Variants in TIAM2 observed in about 807,000 individuals in gnomAD.
The protein encoded by TIAM2 is TIAM Rac1 associated GEF 2.
In TIAM2, 80 loss-of-function variants were observed where a neutral mutation model predicts 152.9. The ratio of observed to expected loss-of-function variants is 0.52; its 90% CI spans 0.44 to 0.63. TIAM2 has a LOEUF of 0.63. Ranked by LOEUF, TIAM2 falls within the 30% of genes least tolerant of loss-of-function variation. The pLI, the probability that TIAM2 is intolerant of heterozygous loss-of-function variation, is 0.00. For missense variants in TIAM2, 1,965 were observed against 2,120.1 expected (o/e 0.93, Z 1.44); for synonymous variants, 804 against 838.0 (o/e 0.96, Z 0.70).
chr6:155,231,812 C>T (rs746699603), intron 15 of TIAM2, among the ~76,000 whole-genome samples: 5 of 152,232 alleles, frequency 3.3e-5, no homozygotes, highest in South Asian at 2.1e-4. Context: ...TGGTGGCTTG[C>T]GCCTGTAATC....
intron 14 of TIAM2, among the ~76,000 whole-genome samples, chr6:155,193,823 A>G (rs1282514354): frequency 6.6e-6 from 1 of 152,224 alleles, no homozygotes; most frequent in Non-Finnish European, 1.5e-5. Context: ...GAAGAGCGCA[A>G]TGGTGCTGAG....
At chr6:155,011,017 C>T (rs1778479421) in intron 1 of TIAM2, among the ~76,000 whole-genome samples, 1 of 149,654 alleles carries the variant, frequency 6.7e-6, no homozygotes, top group South Asian at 2.2e-4. Context: ...GCACTCCAGC[C>T]TTGGTGACAA....
At chr6:155,233,084 G>A (rs142079350) in intron 15 of TIAM2, among the ~76,000 whole-genome samples, 363 of 152,302 alleles carry the variant, frequency 2.4e-3, no homozygotes, top group African/African-American at 8.4e-3. Flanking sequence ...AGGCGGGCAC[G>A]TAGCTCAGCT....
chr6:154,998,055 T>C (rs1321739077), intron 1 of TIAM2, among the ~76,000 whole-genome samples: 5 of 152,212 alleles, frequency 3.3e-5, no homozygotes, highest in African/African-American at 9.6e-5. Flanking sequence ...GTCTGGGCTG[T>C]TCAAATGATG....
At chr6:155,237,644 C>T (rs1782835971) in intron 15 of TIAM2, among the ~76,000 whole-genome samples, 1 of 152,222 alleles carries the variant, frequency 6.6e-6, no homozygotes, top group Non-Finnish European at 1.5e-5. Flanking sequence ...AATTCTTGGA[C>T]TTATGTGCAC....
chr6:155,200,749 A>T (rs956026664), intron 14 of TIAM2, among the ~76,000 whole-genome samples: 1 of 152,084 alleles, frequency 6.6e-6, no homozygotes, highest in South Asian at 2.1e-4. Context: ...CTAAAAATAT[A>T]AAAATTAGCT....
At chr6:155,217,789 T>C (rs1781898592) in intron 15 of TIAM2, among the ~76,000 whole-genome samples, 1 of 152,344 alleles carries the variant, frequency 6.6e-6, no homozygotes, top group East Asian at 1.9e-4. Flanking sequence ...AATTTAATCT[T>C]GTTTAAGATA....
intron 4 of TIAM2, among the ~76,000 whole-genome samples, chr6:155,132,676 C>T (rs565079196): frequency 2.0e-5 from 3 of 152,230 alleles, no homozygotes; most frequent in Non-Finnish European, 4.4e-5. Flanking sequence ...GCTGAAGTCC[C>T]AGGTGGACAA....
chr6:155,125,013 A>C (rs1236402477), intron 2 of TIAM2, among the ~76,000 whole-genome samples: 2 of 152,182 alleles, frequency 1.3e-5, no homozygotes, highest in South Asian at 2.1e-4. Flanking sequence ...GTGGTGCCTC[A>C]TGCTTGTAAT....
chr6:155,033,162 T>C (rs1421680644), intron 1 of TIAM2, among the ~76,000 whole-genome samples: 1 of 152,222 alleles, frequency 6.6e-6, no homozygotes, highest in African/African-American at 2.4e-5. Context: ...TTTGAGTACA[T>C]ATGTATTCAC....
chr6:155,220,429 G>A (rs1034309517), intron 15 of TIAM2, among the ~76,000 whole-genome samples: 8 of 152,166 alleles, frequency 5.3e-5, no homozygotes, highest in African/African-American at 7.2e-5. Context: ...GAGGCCTGGC[G>A]GGCTGCACAG....
In TIAM2 at chr6:155,129,272, A is replaced by G. The variant is rs1423865560; in HGVS notation, c.49A>G (p.Ser17Gly). Residue 17 changes from serine (S) to glycine (G), a missense_variant, in exon 4 of 27, where the codon AGC (serine) becomes GGC (glycine). By Grantham distance (56) the Ser-to-Gly change is moderately conservative. This residue lies in a region of TIAM2 where 1,025 missense variants were observed against 1,119.4 expected (regional missense o/e 0.92). Coordinates refer to ENST00000682666, the MANE Select transcript of TIAM2 (RefSeq NM_012454.4). The surrounding 1 kb of genome is among the most constrained non-coding windows in gnomAD (Gnocchi z 4.8). ...CACCCTTCAAGGATCTAAAAATCATAGCAATACTATTACTGGTGCTAAGCA... is the reference window on the plus strand; with the variant it reads ...CACCCTTCAAGGATCTAAAAATCATGGCAATACTATTACTGGTGCTAAGCA... Reference protein sequence around the residue: ...QYTLQGSKNHSNTITGAKQIP... With the variant: ...QYTLQGSKNHGNTITGAKQIP... 6 of 1,614,232 alleles carry G rather than the reference A, an allele frequency of 3.7e-6. No homozygotes were observed. Among genetic ancestry groups the G allele is most frequent in the South Asian group, 2.2e-5 (2 of 91,082 alleles).
At chr6:155,245,548 G>A (rs1783268044) in intron 18 of TIAM2, 75 bp from the exon 19 acceptor site, 1 of 1,197,420 alleles carries the variant, frequency 8.4e-7, no homozygotes, top group Non-Finnish European at 1.2e-6. Context: ...AGAAGCCATG[G>A]GGCCGTCAAA....
intron 1 of TIAM2, among the ~76,000 whole-genome samples, chr6:154,998,568 C>G (rs1413756684): frequency 1.3e-5 from 2 of 152,102 alleles, no homozygotes; most frequent in Non-Finnish European, 2.9e-5. Context: ...TGGCATTTTT[C>G]AAGCTACAAT....
chr6:155,069,784 A>G (rs1777793171), intron 1 of TIAM2, among the ~76,000 whole-genome samples: 1 of 152,216 alleles, frequency 6.6e-6, no homozygotes, highest in African/African-American at 2.4e-5. Context: ...CTTTAAGTAA[A>G]GAAAATGGCA....
intron 14 of TIAM2, among the ~76,000 whole-genome samples, chr6:155,199,095 G>C (rs956233864): frequency 4.6e-5 from 7 of 151,328 alleles, no homozygotes; most frequent in Admixed American, 1.3e-4. Flanking sequence ...TACAAAAAAA[G>C]TTTTTAAGAC....
intron 1 of TIAM2, among the ~76,000 whole-genome samples, chr6:154,996,429 G>C (rs1252511984): frequency 6.6e-6 from 1 of 152,142 alleles, no homozygotes; most frequent in Admixed American, 6.6e-5. Context: ...CAGCCTCCTT[G>C]GGTAATGGTG....
intron 2 of TIAM2, among the ~76,000 whole-genome samples, chr6:155,094,865 G>A (rs1778386898): frequency 6.6e-6 from 1 of 151,726 alleles, no homozygotes; most frequent in Admixed American, 6.6e-5. Context: ...TTACAGGCAT[G>A]AGCCACCGTG....
At chr6:155,184,752 G>A (rs1272118534) in intron 14 of TIAM2, among the ~76,000 whole-genome samples, 2 of 152,134 alleles carry the variant, frequency 1.3e-5, no homozygotes, top group African/African-American at 2.4e-5. Flanking sequence ...TAAGATTTGC[G>A]ATTCAATAAG....
Sources: gnomAD v4.1 joint callset for allele counts (sites outside exome capture counted in the v4.1 genomes callset) on GRCh38, gnomAD v4.1.1 for gene constraint, gnomAD v4.1.1 regional missense constraint, Gnocchi (gnomAD v3.1) non-coding constraint, MANE v1.5 for transcripts, NCBI Gene and HGNC (gene_info 2026-07-23, HGNC 2026-07-21) for gene names.